STPG4: variants seen among roughly 807,000 people sequenced by gnomAD.
The protein encoded by STPG4 is sperm-tail PG-rich repeat containing 4.
Under a neutral mutation model 31.5 loss-of-function variants are expected in STPG4, and 41 were observed. That is an observed-to-expected ratio of 1.30 (90% CI 1.01 to 1.69). The LOEUF (loss-of-function observed/expected upper bound fraction) is 1.69, where lower values mean the gene tolerates loss of function less well. Among genes scored for constraint, STPG4 ranks in the 40% most tolerant of loss-of-function variants. STPG4 has a pLI of 0.00. For missense variants in STPG4, 375 were observed against 293.4 expected, an observed-to-expected ratio of 1.28 and a Z score of -2.03; for synonymous variants, 141 against 103.0, an observed-to-expected ratio of 1.37 and a Z score of -2.24.
intron 5 of STPG4, among the ~76,000 whole-genome samples, chr2:47,125,822 G>C (rs4322886): frequency 0.015 from 2,303 of 152,024 alleles, 66 homozygotes; most frequent in African/African-American, 0.053. Context: ...GCCTCCCAAA[G>C]TGCTAGGATT....
Position 47,100,635 on chromosome 2 carries a change from C to T in STPG4, c.520-10261G>A, listed in dbSNP as rs1015383816. Among the ~76,000 whole-genome samples the T allele has an allele frequency of 2.6e-5, 4 of 151,586 alleles. 1 individual carries two copies. The highest frequency in any genetic ancestry group is 1.3e-4 in the Admixed American group (2 of 15,256). The stretch of plus-strand genomic sequence containing the variant: ...TCGCTCTTTGCAATAAATCTTGCTA[C>T]TGCTCACTCTTTGGGTCCACACTGC... On this transcript the variant is annotated intron_variant, in intron 5 of 6. Transcript: ENST00000445927.
Position 47,090,378 on chromosome 2 carries a change from T to C in STPG4, c.520-4A>G, listed in dbSNP as rs1428886736. On this transcript the variant is annotated splice_polypyrimidine_tract_variant and splice_region_variant and intron_variant, in intron 5 of 6. Coordinates refer to ENST00000445927, the MANE Select transcript of STPG4 (RefSeq NM_001163561.2). Reference sequence around the variant, plus strand: ...GACCTGGACCAGGGCCTTCATGCTATTGAACATTTAAAAAATTGCTTCATT... The same window carrying C: ...GACCTGGACCAGGGCCTTCATGCTACTGAACATTTAAAAAATTGCTTCATT... 2.6e-6 allele frequency: 4 copies of C among 1,538,450 alleles called. No individual in the cohort carries two copies. Among genetic ancestry groups the C allele is most frequent in the South Asian group, 2.4e-5 (2 of 82,986 alleles).
chr2:47,152,472 G>C (rs1183208486), intron 2 of STPG4, among the ~76,000 whole-genome samples: 1 of 152,136 alleles, frequency 6.6e-6, no homozygotes, highest in Non-Finnish European at 1.5e-5. Context: ...ATTATTGAAG[G>C]GCATTGACAG....
chr2:47,155,139 G>A (rs1461974089), intron 1 of STPG4, 32 bp downstream of exon 1: 3 of 1,603,258 alleles, frequency 1.9e-6, no homozygotes, highest in East Asian at 4.5e-5. Flanking sequence ...AGGGGAGCAG[G>A]AGCCAGGCCG....
chr2:47,130,740 C>A (rs146222767), intron 3 of STPG4, among the ~76,000 whole-genome samples: 3,725 of 152,240 alleles, frequency 0.024, 155 homozygotes, highest in African/African-American at 0.084. Flanking sequence ...GTCTTGAACT[C>A]CTGGCCTCAA....
chr2:47,149,096 C>T (rs1477917422), intron 3 of STPG4, among the ~76,000 whole-genome samples: 1 of 152,014 alleles, frequency 6.6e-6, no homozygotes, highest in Admixed American at 6.6e-5. Context: ...TTATGTTTCC[C>T]CTTGTGAATA....
chr2:47,090,657 G>A (rs946231380), intron 5 of STPG4, among the ~76,000 whole-genome samples: 2 of 152,124 alleles, frequency 1.3e-5, no homozygotes, highest in Admixed American at 1.3e-4. Context: ...ATGCCCCCAG[G>A]CTCCCAGCCC....
chr2:47,146,811 G>A (rs975506239), intron 3 of STPG4, among the ~76,000 whole-genome samples: 1 of 151,870 alleles, frequency 6.6e-6, no homozygotes, highest in Non-Finnish European at 1.5e-5. Flanking sequence ...AACCAAAAAT[G>A]AGGATAGGGG....
At chr2:47,119,048 A>G (rs1268295052) in intron 5 of STPG4, among the ~76,000 whole-genome samples, 1 of 152,232 alleles carries the variant, frequency 6.6e-6, no homozygotes, top group East Asian at 1.9e-4. Context: ...TTATCACACG[A>G]AGGTTTGAGA....
Position 47,145,732 on chromosome 2 carries a change from C to G in STPG4, c.399+5526G>C, listed in dbSNP as rs557752598. ...ATTAATCATCAGACACTGTTCTAGACAGAGATATAATAATGAGCAAAACAG... is the reference window on the plus strand; with the variant it reads ...ATTAATCATCAGACACTGTTCTAGAGAGAGATATAATAATGAGCAAAACAG... On this transcript the variant is annotated intron_variant, in intron 3 of 6. Transcript: ENST00000445927. 3.3e-5 allele frequency among the ~76,000 whole-genome samples: 5 copies of G among 152,252 alleles called. No individual in the cohort carries two copies. The South Asian group carries it at 1.0e-3, about 32-fold the overall frequency.
At chr2:47,099,241 C>T (rs558993972) in intron 5 of STPG4, among the ~76,000 whole-genome samples, 173 of 152,172 alleles carry the variant, frequency 1.1e-3, no homozygotes, top group African/African-American at 3.6e-3. Flanking sequence ...CTTAGGAGGC[C>T]GCAGGAGCAG....
At chr2:47,102,153 T>G (rs1199545936) in intron 5 of STPG4, among the ~76,000 whole-genome samples, 1 of 142,178 alleles carries the variant, frequency 7.0e-6, no homozygotes, top group Non-Finnish European at 1.6e-5. Flanking sequence ...CCGGGGACCG[T>G]TGCAGGTTCT....
At chr2:47,128,584 C>G (rs1284766875) in intron 5 of STPG4, among the ~76,000 whole-genome samples, 1 of 152,094 alleles carries the variant, frequency 6.6e-6, no homozygotes, top group Non-Finnish European at 1.5e-5. Context: ...GCCACTCAGG[C>G]CTGTAGCAAG....
rs1042127236 is a variant in STPG4, at chr2:47,090,517, G to A, written c.520-143C>T. The A allele has an allele frequency of 3.7e-5, 23 of 615,786 alleles. No homozygotes were observed. The Admixed American group carries it at 5.5e-4, about 15-fold the overall frequency. The allele number at this position is 615,786 out of a possible 1,614,324, so 38.1% of individuals were successfully genotyped here. Reference sequence around the variant, plus strand: ...ATTTGGTCTCGAGAGATCTCTTTAAGGTGTGAGCTGGGACAAGTCATTGTG... The same window carrying A: ...ATTTGGTCTCGAGAGATCTCTTTAAAGTGTGAGCTGGGACAAGTCATTGTG... On this transcript the variant is annotated intron_variant, in intron 5 of 6. Transcript: ENST00000445927.
At chr2:47,146,182 A>T (rs1686815025) in intron 3 of STPG4, among the ~76,000 whole-genome samples, 1 of 152,230 alleles carries the variant, frequency 6.6e-6, no homozygotes, top group South Asian at 2.1e-4. Flanking sequence ...AAAGCCACTC[A>T]GAGATCACAC....
At chr2:47,122,481 T>C (rs932625094) in intron 5 of STPG4, among the ~76,000 whole-genome samples, 5 of 152,274 alleles carry the variant, frequency 3.3e-5, no homozygotes, top group Non-Finnish European at 4.4e-5. Context: ...TTTTAATCAA[T>C]ATGAAATTTA....
Position 47,151,243 on chromosome 2 carries a change from C to A in STPG4, c.399+15G>T. 6.2e-7 allele frequency: 1 copy of A among 1,613,354 alleles called. No individual in the cohort carries two copies. The highest frequency in any genetic ancestry group is 8.5e-7 in the Non-Finnish European group (1 of 1,179,562). ...TAGCTTTCCCACACAAAGCAATCTG[C>A]CAGTAGCGCTTTACCTGATCTTTGT... On this transcript the variant is annotated intron_variant, in intron 3 of 6. Transcript: ENST00000445927.
chr2:47,107,072 TG>T lies in STPG4; in HGVS notation c.520-16699del, dbSNP rs531820005. ...CATTGGCCAAATTCCCAACAGCAGT[TG>T]GGGTGTCCTGTTTAGAGGGGGGATT... On this transcript the variant is annotated intron_variant, in intron 5 of 6. Transcript: ENST00000445927. Among the ~76,000 whole-genome samples, 250 of 152,040 alleles carry T rather than the reference TG, an allele frequency of 1.6e-3. 9 individuals are homozygous for T. The highest frequency in any genetic ancestry group is 5.8e-3 in the African/African-American group (239 of 41,386).
At position 47,133,281 on chromosome 2, in the gene STPG4, C is replaced by T. The variant is rs556321994; in HGVS notation, c.400-3021G>A. Reference sequence around the variant, plus strand: ...TCCCAGGCTCAAGCGATCCTCCTGCCTCAGCCTTCTGACTACCTGGGACTA... The same window carrying T: ...TCCCAGGCTCAAGCGATCCTCCTGCTTCAGCCTTCTGACTACCTGGGACTA... On this transcript the variant is annotated intron_variant, in intron 3 of 6. Transcript: ENST00000445927. Among the ~76,000 whole-genome samples the T allele has an allele frequency of 2.0e-3, 308 of 152,208 alleles. 1 individual carries two copies. The highest frequency in any genetic ancestry group is 2.4e-3 in the Non-Finnish European group (166 of 68,012).
Sources: gnomAD v4.1 joint callset for allele counts (sites outside exome capture counted in the v4.1 genomes callset) on GRCh38, gnomAD v4.1.1 for gene constraint, MANE v1.5 for transcripts, NCBI Gene and HGNC (gene_info 2026-07-23, HGNC 2026-07-21) for gene names.